Variants in MEGF11 observed in about 807,000 individuals in gnomAD.
MEGF11 encodes the protein multiple epidermal growth factor-like domains protein 11.
In MEGF11, 126 loss-of-function variants were observed where a neutral mutation model predicts 146.6. The ratio of observed to expected loss-of-function variants is 0.86; its 90% CI spans 0.74 to 1.00. The LOEUF (loss-of-function observed/expected upper bound fraction) is 1.00. Ranked by LOEUF, MEGF11 falls within the 50% of genes least tolerant of loss-of-function variation. The pLI is 0.00. For missense variants in MEGF11, 1,509 were observed against 1,521.2 expected (o/e 0.99, Z 0.13); for synonymous variants, 532 against 583.4 (o/e 0.91, Z 1.27).
chr15:66,019,955 A>G (rs2083049031), intron 5 of MEGF11, among the ~76,000 whole-genome samples: 2 of 152,212 alleles, frequency 1.3e-5, no homozygotes, highest in African/African-American at 4.8e-5. Flanking sequence ...TGCCCATTCC[A>G]AGACAGCCCA....
At chr15:66,158,575 T>C (rs1043125765) in intron 1 of MEGF11, among the ~76,000 whole-genome samples, 1 of 152,226 alleles carries the variant, frequency 6.6e-6, no homozygotes, top group African/African-American at 2.4e-5. Flanking sequence ...CATCTGGGGT[T>C]GCATGGAGGA....
At chr15:66,014,437 GT>G (rs904709653) in intron 5 of MEGF11, among the ~76,000 whole-genome samples, 3 of 152,174 alleles carry the variant, frequency 2.0e-5, no homozygotes, top group African/African-American at 7.2e-5. Context: ...ACAAGATTTG[GT>G]TATGTCAAAC....
intron 8 of MEGF11, among the ~76,000 whole-genome samples, chr15:65,967,787 C>G (rs2081158275): frequency 6.6e-6 from 1 of 152,122 alleles, no homozygotes. Flanking sequence ...GCCACTAGCT[C>G]TCCCCTCTCA....
chr15:66,093,306 A>G (rs1163377813), intron 5 of MEGF11, among the ~76,000 whole-genome samples: 1 of 152,200 alleles, frequency 6.6e-6, no homozygotes, highest in African/African-American at 2.4e-5. Flanking sequence ...AAACAAACAA[A>G]AAAACATAAC....
At chr15:66,093,347 A>T (rs1035826343) in intron 5 of MEGF11, among the ~76,000 whole-genome samples, 3 of 152,232 alleles carry the variant, frequency 2.0e-5, no homozygotes, top group African/African-American at 7.2e-5. Flanking sequence ...GAGAGAGGGG[A>T]AAAGGACAAT....
chr15:65,917,957 G>A lies in MEGF11; in HGVS notation c.2086+9C>T. On this transcript the variant is annotated intron_variant, in intron 16 of 25. Transcript: ENST00000395614. ...CAGGTAGGGGCATTCCCAGGTGGCAGCAGCTTACCCTGTGAGCAGTCCTTG... is the reference window on the plus strand; with the variant it reads ...CAGGTAGGGGCATTCCCAGGTGGCAACAGCTTACCCTGTGAGCAGTCCTTG... The A allele has an allele frequency of 1.2e-6, 2 of 1,613,958 alleles. No individual in the cohort carries two copies. Among genetic ancestry groups the A allele is most frequent in the Non-Finnish European group, 1.7e-6 (2 of 1,179,866 alleles).
intron 1 of MEGF11, among the ~76,000 whole-genome samples, chr15:66,167,048 G>T (rs2090115593): frequency 6.6e-6 from 1 of 152,030 alleles, no homozygotes; most frequent in South Asian, 2.1e-4. Context: ...GTTCCAAGGG[G>T]CATCCTCTCT....
chr15:65,915,038 T>G (rs956881816), intron 19 of MEGF11, among the ~76,000 whole-genome samples: 3 of 152,240 alleles, frequency 2.0e-5, no homozygotes, highest in African/African-American at 7.2e-5. Context: ...TTTGGGCTCC[T>G]CGGCCTTCAG....
At chr15:65,912,273 T>A in intron 20 of MEGF11, 73 bp from the exon 21 acceptor site, 1 of 934,324 alleles carries the variant, frequency 1.1e-6, no homozygotes, top group African/African-American at 1.7e-5. Flanking sequence ...GTACTAATGC[T>A]TGCGCTGGGA....
At chr15:66,054,719 A>T (rs1468304769) in intron 5 of MEGF11, among the ~76,000 whole-genome samples, 1 of 152,204 alleles carries the variant, frequency 6.6e-6, no homozygotes, top group Non-Finnish European at 1.5e-5. Flanking sequence ...TAAAGTCTTC[A>T]TTTTAAACAC....
intron 5 of MEGF11, among the ~76,000 whole-genome samples, chr15:66,055,632 C>T (rs896010153): frequency 6.6e-6 from 1 of 151,960 alleles, no homozygotes; most frequent in African/African-American, 2.4e-5. Context: ...TGGTAACATT[C>T]GGGACTCAAC....
At chr15:65,899,244 G>A (rs908824278) in intron 24 of MEGF11, among the ~76,000 whole-genome samples, 1 of 152,224 alleles carries the variant, frequency 6.6e-6, no homozygotes, top group African/African-American at 2.4e-5. Context: ...TGCAAGGGTT[G>A]CTGATAGTTG....
At chr15:66,083,901 G>A (rs771321986) in intron 5 of MEGF11, among the ~76,000 whole-genome samples, 1 of 152,206 alleles carries the variant, frequency 6.6e-6, no homozygotes, top group Admixed American at 6.5e-5. Context: ...GGGTGACAAA[G>A]TGAGTTCTTA....
intron 5 of MEGF11, among the ~76,000 whole-genome samples, chr15:66,049,062 G>A (rs1423052979): frequency 6.6e-6 from 1 of 152,132 alleles, no homozygotes; most frequent in Non-Finnish European, 1.5e-5. Context: ...GCATTCTGGG[G>A]GAGGCAGCCA....
intron 1 of MEGF11, among the ~76,000 whole-genome samples, chr15:66,248,653 C>T (rs1481017024): frequency 6.6e-6 from 1 of 152,138 alleles, no homozygotes; most frequent in Non-Finnish European, 1.5e-5. Flanking sequence ...CATTACTGAC[C>T]AGGTCCTTCT....
At chr15:66,140,876 T>C (rs1028179941) in intron 1 of MEGF11, among the ~76,000 whole-genome samples, 5 of 152,172 alleles carry the variant, frequency 3.3e-5, no homozygotes, top group African/African-American at 1.2e-4. Flanking sequence ...AATGCCATAT[T>C]CGGGGACTTG....
chr15:66,066,913 C>A (rs953024297), intron 5 of MEGF11, among the ~76,000 whole-genome samples: 2 of 152,246 alleles, frequency 1.3e-5, no homozygotes, highest in African/African-American at 4.8e-5. Context: ...CACCATCTGC[C>A]TGTCACCCAC....
intron 5 of MEGF11, among the ~76,000 whole-genome samples, chr15:66,005,763 A>T (rs1030344009): frequency 2.0e-5 from 3 of 152,200 alleles, no homozygotes; most frequent in African/African-American, 7.2e-5. Flanking sequence ...CGTGTCCAGG[A>T]AATGGGGTCC....
At chr15:66,044,975 G>T (rs1298636027) in intron 5 of MEGF11, among the ~76,000 whole-genome samples, 3 of 151,814 alleles carry the variant, frequency 2.0e-5, no homozygotes, top group African/African-American at 7.3e-5. Context: ...AGTCTTAGCA[G>T]TGCCCTGCAG....
Sources: allele counts gnomAD v4.1 joint callset (sites outside exome capture counted in the v4.1 genomes callset), GRCh38; gene constraint gnomAD v4.1.1; transcripts MANE v1.5; gene names NCBI Gene and HGNC (gene_info 2026-07-23, HGNC 2026-07-21).